CRYZL1: variants seen among roughly 807,000 people sequenced by gnomAD.
CRYZL1 encodes crystallin zeta like 1, also known as ferry endosomal RAB5 effector complex subunit 4.
In CRYZL1, 34 loss-of-function variants were observed where a neutral mutation model predicts 50.6. The observed-to-expected ratio is 0.67, with a 90% CI of 0.51 to 0.89. The LOEUF (loss-of-function observed/expected upper bound fraction) is 0.89. CRYZL1 is among the 40% of genes least tolerant of loss of function. The pLI is 0.00. For missense variants in CRYZL1, 354 were observed against 402.3 expected, an observed-to-expected ratio of 0.88 and a Z score of 1.03; for synonymous variants, 125 against 134.3, an observed-to-expected ratio of 0.93 and a Z score of 0.48.
chr21:33,595,250 T>C, intron 11 of CRYZL1: 1 of 978,294 alleles, frequency 1.0e-6, no homozygotes, highest in Non-Finnish European at 1.3e-6. Context: ...TTGATAAAGA[T>C]TTCCTAGCAT....
chr21:33,589,834 A>C lies in CRYZL1; in HGVS notation c.1038T>G (p.Val346=), dbSNP rs371455049. Residue 346 remains valine, a synonymous_variant, in exon 13 of 13, where the codon GTT becomes GTG. Transcript: ENST00000381554. ...VQKNQGRKKQ[V]VQF The stretch of plus-strand genomic sequence containing the variant: ...AGAAAGAAGAAAATTAAAATTGAAC[A>C]ACTTGCTTTTTTCTTCCTTGATTTT... 7 of 1,606,904 alleles carry C rather than the reference A, an allele frequency of 4.4e-6. No homozygotes were observed. The highest frequency in any genetic ancestry group is 6.0e-6 in the Non-Finnish European group (7 of 1,173,744).
intron 6 of CRYZL1, among the ~76,000 whole-genome samples, chr21:33,608,513 T>C (rs2086837159): frequency 6.6e-6 from 1 of 152,124 alleles, no homozygotes; most frequent in Non-Finnish European, 1.5e-5. Flanking sequence ...TTTTATACCC[T>C]TTGTCCATCA....
chr21:33,600,665 A>G (rs983116708), intron 8 of CRYZL1, among the ~76,000 whole-genome samples: 1 of 147,648 alleles, frequency 6.8e-6, no homozygotes, highest in South Asian at 2.1e-4. Context: ...TCGCTCTGTC[A>G]CCCAGTCTGG....
At chr21:33,641,423 A>T in intron 1 of CRYZL1, 5 of 1,261,886 alleles carry the variant, frequency 4.0e-6, no homozygotes, top group Non-Finnish European at 5.3e-6. Flanking sequence ...CTGCCTCCAT[A>T]AAAGTAGAGG....
rs1244912299 is a variant in CRYZL1, at chr21:33,589,869, C to T, written c.1003G>A (p.Ala335Thr). 6.2e-7 allele frequency: 1 copy of T among 1,612,724 alleles called. No individual in the cohort carries two copies. The highest frequency in any genetic ancestry group is 8.5e-7 in the Non-Finnish European group (1 of 1,179,518). Residue 335 changes from alanine (A) to threonine (T), a missense_variant, in exon 13 of 13, where the codon GCT (alanine) becomes ACT (threonine). Ala to Thr is a moderately conservative substitution (Grantham distance 58). Coordinates refer to ENST00000381554, the MANE Select transcript of CRYZL1 (RefSeq NM_145858.3). The part of the protein sequence containing the change: ...PLYEAKVSME[A>T]VQKNQGRKKQ... Reference sequence around the variant, plus strand: ...TTTCTTCCTTGATTTTTCTGAACAGCTTCCATGGAAACTTTTGCCTCATAC... The same window carrying T: ...TTTCTTCCTTGATTTTTCTGAACAGTTTCCATGGAAACTTTTGCCTCATAC...
chr21:33,605,712 C>T lies in CRYZL1; in HGVS notation c.332-2175G>A, dbSNP rs918819991. On this transcript the variant is annotated intron_variant, in intron 6 of 12. Transcript: ENST00000381554. Reference sequence around the variant, plus strand: ...AATTTTTGTATTTTTTTAGTAGAGACGGGGTTTCACCATGTTGGCCAGGCT... The same window carrying T: ...AATTTTTGTATTTTTTTAGTAGAGATGGGGTTTCACCATGTTGGCCAGGCT... 9.9e-5 allele frequency among the ~76,000 whole-genome samples: 15 copies of T among 150,862 alleles called. 1 individual carries two copies. Among genetic ancestry groups the T allele is most frequent in the South Asian group, 4.2e-4 (2 of 4,748 alleles).
At chr21:33,641,546 C>T in intron 1 of CRYZL1, 135 bp downstream of exon 1, 1 of 420,814 alleles carries the variant, frequency 2.4e-6, no homozygotes, top group Non-Finnish European at 4.2e-6. Flanking sequence ...TAGGCCTGGG[C>T]CCGAACAAGT....
rs2087136265 is a variant in CRYZL1 at position 33,631,469 on chromosome 21, T to G, written c.66+17A>C. 1 of 1,485,984 alleles carries G rather than the reference T, an allele frequency of 6.7e-7. No homozygotes were observed. The highest frequency in any genetic ancestry group is 9.0e-7 in the Non-Finnish European group (1 of 1,111,476). The allele number at this position is 1,485,984 out of a possible 1,614,324, so 92.0% of individuals were successfully genotyped here. ...AAAATACACTAACTACTTTAATGAT[T>G]AAACATTTTTTCTTACCTTTTCTTG... is the stretch of plus-strand genomic sequence containing the variant. On this transcript the variant is annotated intron_variant, in intron 2 of 12. Transcript: ENST00000381554.
At chr21:33,603,267 C>CA (rs1246518431) in intron 7 of CRYZL1, 137 bp downstream of exon 7, 3 of 1,030,144 alleles carry the variant, frequency 2.9e-6, no homozygotes, top group Non-Finnish European at 4.2e-6. Context: ...CTTATTATAA[C>CA]AAAATAGGAC....
chr21:33,631,602 A>T, intron 1 of CRYZL1, 45 bp from the exon 2 acceptor site: 1 of 1,269,718 alleles, frequency 7.9e-7, no homozygotes, highest in Non-Finnish European at 1.0e-6. Flanking sequence ...CAAGTCTTCC[A>T]GACTAAATGT....
chr21:33,595,351 G>A, intron 11 of CRYZL1: 1 of 1,284,672 alleles, frequency 7.8e-7, no homozygotes, highest in East Asian at 5.6e-5. Context: ...GAGTAAGTGT[G>A]CAACCTTTCA....
intron 7 of CRYZL1, 32 bp downstream of exon 7, chr21:33,603,372 G>A (rs375050334): frequency 1.2e-6 from 2 of 1,608,884 alleles, no homozygotes; most frequent in Non-Finnish European, 1.7e-6. Context: ...CTGTATGCTT[G>A]TCTGTTTCTT....
At chr21:33,641,446 G>A in intron 1 of CRYZL1, 2 of 1,100,770 alleles carry the variant, frequency 1.8e-6, no homozygotes, top group Non-Finnish European at 2.5e-6. Flanking sequence ...GATGCAAACT[G>A]AGATAAGACC....
intron 1 of CRYZL1, among the ~76,000 whole-genome samples, chr21:33,634,982 A>G (rs1453328213): frequency 2.0e-5 from 3 of 151,882 alleles, no homozygotes; most frequent in Non-Finnish European, 2.9e-5. Flanking sequence ...TGGTTGGTGG[A>G]AAAAAGTAAT....
intron 2 of CRYZL1, among the ~76,000 whole-genome samples, chr21:33,628,479 C>T (rs1216426830): frequency 6.6e-6 from 1 of 152,100 alleles, no homozygotes; most frequent in Non-Finnish European, 1.5e-5. Flanking sequence ...CTGTTCTCTT[C>T]AATTTCTTCC....
intron 1 of CRYZL1, among the ~76,000 whole-genome samples, chr21:33,633,460 C>T (rs772665596): frequency 1.3e-5 from 2 of 151,380 alleles, no homozygotes; most frequent in East Asian, 1.9e-4. Flanking sequence ...CTTGCTCTGT[C>T]GCCAGGCTGG....
intron 2 of CRYZL1, among the ~76,000 whole-genome samples, chr21:33,628,007 A>G (rs1432898096): frequency 6.6e-6 from 1 of 152,092 alleles, no homozygotes; most frequent in African/African-American, 2.4e-5. Context: ...GGCCTTCCAA[A>G]GTGCTGGGAT....
chr21:33,592,841 C>G (rs2086657043), intron 11 of CRYZL1, among the ~76,000 whole-genome samples: 1 of 152,048 alleles, frequency 6.6e-6, no homozygotes, highest in African/African-American at 2.4e-5. Context: ...CACCTGAGGT[C>G]AAGAGTTCGA....
intron 6 of CRYZL1, among the ~76,000 whole-genome samples, chr21:33,605,920 T>G (rs183230664): frequency 1.3e-5 from 2 of 152,180 alleles, no homozygotes; most frequent in Non-Finnish European, 2.9e-5. Flanking sequence ...CAATGATTCA[T>G]GTGGACTAGC....
Sources: gnomAD v4.1 joint callset for allele counts (sites outside exome capture counted in the v4.1 genomes callset) on GRCh38, gnomAD v4.1.1 for gene constraint, MANE v1.5 for transcripts, NCBI Gene and HGNC (gene_info 2026-07-23, HGNC 2026-07-21) for gene names.